ATP2B2: variants seen among roughly 807,000 people sequenced by gnomAD.
ATP2B2 encodes the protein ATPase plasma membrane Ca2+ transporting 2, also known as plasma membrane calcium-transporting ATPase 2.
Under a neutral mutation model 120.0 loss-of-function variants are expected in ATP2B2, and 15 were observed. The ratio of observed to expected loss-of-function variants is 0.12; its 90% CI spans 0.08 to 0.19. ATP2B2 has a LOEUF of 0.19. ATP2B2 is among the 10% of genes least tolerant of loss of function. The probability of loss-of-function intolerance (pLI) is 1.00; values close to 1 mark genes in which losing one functional copy is unlikely to be tolerated. For synonymous variants in ATP2B2, 694 were observed against 700.3 expected, an observed-to-expected ratio of 0.99 and a Z score of 0.14; for missense variants, 1,045 against 1,719.8, an observed-to-expected ratio of 0.61 and a Z score of 6.94.
At chr3:10,385,214 G>T in intron 8 of ATP2B2, 54 bp downstream of exon 8, 1 of 1,558,496 alleles carries the variant, frequency 6.4e-7, no homozygotes. Context: ...AGTTGGGGTG[G>T]GGGTGAGAGA....
intron 1 of ATP2B2, among the ~76,000 whole-genome samples, chr3:10,686,458 T>A (rs563475466): frequency 1.2e-3 from 175 of 152,134 alleles, no homozygotes; most frequent in South Asian, 4.2e-3. Flanking sequence ...ATCGAGACCA[T>A]CCTGGCTAAC....
chr3:10,362,884 C>T (rs1404409361), intron 12 of ATP2B2, among the ~76,000 whole-genome samples: 6 of 152,090 alleles, frequency 3.9e-5, no homozygotes, highest in Non-Finnish European at 7.3e-5. Context: ...ATATATATCT[C>T]ACACACACAT....
chr3:10,554,621 T>G (rs1559455901), intron 2 of ATP2B2, among the ~76,000 whole-genome samples: 1 of 152,216 alleles, frequency 6.6e-6, no homozygotes, highest in Non-Finnish European at 1.5e-5. Context: ...TTCAGCCCGG[T>G]AGAGCTGTGT....
In ATP2B2 at chr3:10,459,895, T is replaced by A. The variant is rs550656284; in HGVS notation, c.-319-10033A>T. Reference sequence around the variant, plus strand: ...GGTTAAGGGGTGGCAGGGCCAGCCCTCTCTCATACACAGGCACTCTTAACA... The same window carrying A: ...GGTTAAGGGGTGGCAGGGCCAGCCCACTCTCATACACAGGCACTCTTAACA... On this transcript the variant is annotated intron_variant, in intron 1 of 22. Transcript: ENST00000360273. Among the ~76,000 whole-genome samples, 6 of 152,344 alleles carry A rather than the reference T, an allele frequency of 3.9e-5. No individual in the cohort carries two copies. The South Asian group carries it at 1.0e-3, about 26-fold the overall frequency.
intron 1 of ATP2B2, among the ~76,000 whole-genome samples, chr3:10,697,317 A>G (rs993437270): frequency 5.3e-5 from 8 of 152,168 alleles, no homozygotes; most frequent in African/African-American, 1.9e-4. Context: ...TTCAGAACAG[A>G]TCTGTGCTGT....
chr3:10,418,213 T>C (rs2062853954), intron 2 of ATP2B2, among the ~76,000 whole-genome samples: 2 of 152,218 alleles, frequency 1.3e-5, no homozygotes, highest in South Asian at 4.1e-4. Flanking sequence ...TCTCCTCTCC[T>C]CTCTTTGTCT....
intron 2 of ATP2B2, among the ~76,000 whole-genome samples, chr3:10,610,940 A>G (rs891233309): frequency 1.3e-5 from 2 of 152,198 alleles, no homozygotes; most frequent in African/African-American, 4.8e-5. Context: ...ACACGAGGTT[A>G]TAACAGTGCA....
chr3:10,396,255 T>C (rs1001290257), intron 5 of ATP2B2, among the ~76,000 whole-genome samples: 2 of 152,260 alleles, frequency 1.3e-5, no homozygotes, highest in Non-Finnish European at 2.9e-5. Context: ...CACGTGTGCA[T>C]GCCTGTGGTC....
At chr3:10,702,603 A>G (rs1181144832) in intron 1 of ATP2B2, among the ~76,000 whole-genome samples, 3 of 152,318 alleles carry the variant, frequency 2.0e-5, no homozygotes, top group East Asian at 3.9e-4. Context: ...CGGACACACT[A>G]AAAGGACCTG....
intron 1 of ATP2B2, among the ~76,000 whole-genome samples, chr3:10,695,251 G>GGA (rs140200422): frequency 0.031 from 3,980 of 126,892 alleles, 72 homozygotes; most frequent in East Asian, 0.057. Flanking sequence ...AGGGAGGGAG[G>GGA]GAGAGAGAGA....
At chr3:10,586,343 G>A (rs2068509950) in intron 2 of ATP2B2, among the ~76,000 whole-genome samples, 1 of 152,214 alleles carries the variant, frequency 6.6e-6, no homozygotes, top group Non-Finnish European at 1.5e-5. Flanking sequence ...CCAGGCTCCA[G>A]GCCAGGAGCT....
At chr3:10,602,129 C>T (rs2068940073) in intron 2 of ATP2B2, among the ~76,000 whole-genome samples, 1 of 152,160 alleles carries the variant, frequency 6.6e-6, no homozygotes. Context: ...GGAGCCCCCT[C>T]CCCACTTCCT....
In ATP2B2 at chr3:10,607,988, G is replaced by A. The variant is rs146814065; in HGVS notation, c.-415+11929C>T. On this transcript the variant is annotated intron_variant, in intron 2 of 21. Transcript: ENST00000646379. The stretch of plus-strand genomic sequence containing the variant: ...CTCCCCTTGTCCCCTCTCTCATCAA[G>A]AGGCAGCATCACCCACCCAGGCCTC... 2.7e-3 allele frequency among the ~76,000 whole-genome samples: 417 copies of A among 152,240 alleles called. 1 individual carries two copies. Among genetic ancestry groups the A allele is most frequent in the Non-Finnish European group, 4.2e-3 (283 of 68,006 alleles).
chr3:10,347,739 G>A lies in ATP2B2; in HGVS notation c.2405-1602C>T, dbSNP rs1047751216. Among the ~76,000 whole-genome samples, 9 of 152,194 alleles carry A rather than the reference G, an allele frequency of 5.9e-5. No individual in the cohort carries two copies. The highest frequency in any genetic ancestry group is 2.2e-4 in the African/African-American group (9 of 41,446). On this transcript the variant is annotated intron_variant, in intron 16 of 22. Coordinates refer to ENST00000360273, the MANE Select transcript of ATP2B2 (RefSeq NM_001001331.4). The surrounding 1 kb of genome is among the most constrained non-coding windows in gnomAD (Gnocchi z 5.2). ...AATTTCTGCCCTGTGGCTCCCAGGTGGTGCGGACCGTTGCGTAGCTCAAGC... is the reference window on the plus strand; with the variant it reads ...AATTTCTGCCCTGTGGCTCCCAGGTAGTGCGGACCGTTGCGTAGCTCAAGC...
intron 2 of ATP2B2, among the ~76,000 whole-genome samples, chr3:10,448,851 C>G (rs1293333925): frequency 6.6e-6 from 1 of 152,200 alleles, no homozygotes; most frequent in Non-Finnish European, 1.5e-5. Context: ...CAAGCCCACA[C>G]TAGGGAATTC....
intron 1 of ATP2B2, among the ~76,000 whole-genome samples, chr3:10,661,927 G>A (rs2070792042): frequency 6.6e-6 from 1 of 152,126 alleles, no homozygotes; most frequent in Admixed American, 6.5e-5. Flanking sequence ...ACAGAATAGA[G>A]CTCTCAGAAA....
chr3:10,439,167 G>A (rs944269179), intron 2 of ATP2B2, among the ~76,000 whole-genome samples: 1 of 152,236 alleles, frequency 6.6e-6, no homozygotes, highest in Non-Finnish European at 1.5e-5. Context: ...GTCTGGCTGT[G>A]AGTCAGCCAC....
intron 1 of ATP2B2, among the ~76,000 whole-genome samples, chr3:10,698,706 T>C (rs1270618034): frequency 6.6e-6 from 1 of 152,220 alleles, no homozygotes; most frequent in Non-Finnish European, 1.5e-5. Context: ...CTGCAAAGAC[T>C]GGAGGCACGA....
chr3:10,391,490 G>C (rs1575099174), intron 5 of ATP2B2, among the ~76,000 whole-genome samples: 1 of 152,168 alleles, frequency 6.6e-6, no homozygotes, highest in Non-Finnish European at 1.5e-5. Flanking sequence ...TTCCACCCAC[G>C]ATAATCAGAC....
Sources: gnomAD v4.1 joint callset for allele counts (sites outside exome capture counted in the v4.1 genomes callset) on GRCh38, gnomAD v4.1.1 for gene constraint, Gnocchi (gnomAD v3.1) non-coding constraint, MANE v1.5 for transcripts, NCBI Gene and HGNC (gene_info 2026-07-23, HGNC 2026-07-21) for gene names.